The following SLC25A43 variants were observed in gnomAD, a reference collection of about 807,000 sequenced individuals.
SLC25A43 encodes the protein solute carrier family 25, member 43.
SLC25A43 carries 10 observed loss-of-function variants against 22.8 expected under a neutral mutation model. The observed-to-expected ratio is 0.44, with a 90% CI of 0.27 to 0.74. SLC25A43 has a LOEUF of 0.74. SLC25A43 is among the 30% of genes least tolerant of loss of function. The probability of loss-of-function intolerance (pLI) is 0.17; values close to 1 mark genes in which losing one functional copy is unlikely to be tolerated. For missense variants in SLC25A43, 233 were observed against 279.1 expected (o/e 0.83, Z 1.18); for synonymous variants, 106 against 121.6 (o/e 0.87, Z 0.84).
At chrX:119,434,368 T>A (rs1262277824) in intron 3 of SLC25A43, among the ~76,000 whole-genome samples, 3 of 108,535 alleles carry the variant, frequency 2.8e-5, no homozygotes, top group Non-Finnish European at 3.8e-5. Flanking sequence ...GATTACATGA[T>A]CCTGTGGCTC....
chrX:119,450,637 C>G (rs1453278322), intron 3 of SLC25A43, among the ~76,000 whole-genome samples: 1 of 111,745 alleles, frequency 8.9e-6, no homozygotes, highest in African/African-American at 3.3e-5. Flanking sequence ...ACTGTTGTAC[C>G]ACACCTCCTC....
intron 3 of SLC25A43, among the ~76,000 whole-genome samples, chrX:119,414,157 T>C (rs2052377770): frequency 8.9e-6 from 1 of 112,318 alleles, no homozygotes; most frequent in Admixed American, 9.5e-5. Context: ...TATCCCATCA[T>C]TTTAATTTTA....
chrX:119,426,548 C>T (rs1378778335), intron 3 of SLC25A43, among the ~76,000 whole-genome samples: 3 of 111,855 alleles, frequency 2.7e-5, no homozygotes, highest in African/African-American at 9.7e-5. Flanking sequence ...CAAGGCCGGG[C>T]GCGGCGACTC....
chrX:119,409,391 A>T (rs958243169), intron 2 of SLC25A43, among the ~76,000 whole-genome samples: 10 of 107,819 alleles, frequency 9.3e-5, no homozygotes, highest in African/African-American at 3.0e-4. Context: ...TTTAGTAGAG[A>T]TGGAGTTTAG....
At chrX:119,451,725 G>T in intron 3 of SLC25A43, 1 of 716,838 alleles carries the variant, frequency 1.4e-6, no homozygotes, top group South Asian at 3.0e-5. Context: ...GAAGGCACAG[G>T]TTGGGAGGGA....
chrX:119,429,104 T>G (rs2052533107), intron 3 of SLC25A43, among the ~76,000 whole-genome samples: 1 of 105,573 alleles, frequency 9.5e-6, no homozygotes, highest in African/African-American at 3.5e-5. Context: ...CAGGCTGAAG[T>G]GCAGTGGCGC....
chrX:119,405,080 A>G (rs1175359986), intron 1 of SLC25A43, among the ~76,000 whole-genome samples: 1 of 111,320 alleles, frequency 9.0e-6, no homozygotes, highest in Non-Finnish European at 1.9e-5. Flanking sequence ...CTGAGACCTA[A>G]AGTGCCCCAA....
chrX:119,450,175 T>G (rs2052695809), intron 3 of SLC25A43, among the ~76,000 whole-genome samples: 1 of 110,669 alleles, frequency 9.0e-6, no homozygotes, highest in Non-Finnish European at 1.9e-5. Flanking sequence ...AGGAGGTGTT[T>G]AAAGCAAAAG....
At chrX:119,416,515 G>A (rs768590133) in intron 3 of SLC25A43, among the ~76,000 whole-genome samples, 4 of 112,227 alleles carry the variant, frequency 3.6e-5, no homozygotes, top group South Asian at 3.6e-4. Flanking sequence ...CACCGTCCCC[G>A]GCCAAAAAAC....
chrX:119,449,737 GAAAGAAAAGA>G (rs375013928), intron 3 of SLC25A43, among the ~76,000 whole-genome samples: 1,599 of 110,730 alleles, frequency 0.014, 36 homozygotes, highest in African/African-American at 0.049. Flanking sequence ...CTCAAAAAAA[GAAAGAAAAGA>G]AAAGAAAAGA....
At chrX:119,401,855 T>C (rs2052241203) in intron 1 of SLC25A43, among the ~76,000 whole-genome samples, 1 of 110,327 alleles carries the variant, frequency 9.1e-6, no homozygotes, top group Admixed American at 9.7e-5. Context: ...CCTGTTGCAC[T>C]AGTCCACATA....
At chrX:119,403,777 GCT>G (rs2052259056) in intron 1 of SLC25A43, among the ~76,000 whole-genome samples, 2 of 111,107 alleles carry the variant, frequency 1.8e-5, no homozygotes, top group African/African-American at 6.5e-5. Flanking sequence ...TTTTTCCTCT[GCT>G]CTCACACCAC....
chrX:119,427,480 TC>T (rs2052517301), intron 3 of SLC25A43, among the ~76,000 whole-genome samples: 1 of 112,014 alleles, frequency 8.9e-6, no homozygotes, highest in Admixed American at 9.5e-5. Context: ...CGTACCAATG[TC>T]CCCGCTGCAG....
intron 3 of SLC25A43, among the ~76,000 whole-genome samples, chrX:119,435,174 T>C (rs753188467): frequency 9.1e-6 from 1 of 110,494 alleles, no homozygotes; most frequent in South Asian, 3.8e-4. Context: ...AAAAAATCGG[T>C]GGGCAGAGCA....
chrX:119,417,601 C>T (rs189956114), intron 3 of SLC25A43, among the ~76,000 whole-genome samples: 150 of 110,687 alleles, frequency 1.4e-3, no homozygotes, highest in African/African-American at 4.7e-3. Context: ...ACACCATCTG[C>T]ATTCTATACC....
At chrX:119,399,791 C>T (rs1046372298) in intron 1 of SLC25A43, 113 bp downstream of exon 1, 1 of 849,719 alleles carries the variant, frequency 1.2e-6, no homozygotes, top group East Asian at 4.3e-5. Flanking sequence ...TAGGGACGGC[C>T]CCCTTGTCGA....
chrX:119,406,213 G>T (rs2052295558), intron 1 of SLC25A43, among the ~76,000 whole-genome samples: 1 of 112,422 alleles, frequency 8.9e-6, no homozygotes, highest in Admixed American at 9.4e-5. Context: ...AGTAGAAAAT[G>T]CTTTAAGTGG....
At chrX:119,403,741 TTG>T (rs1182683053) in intron 1 of SLC25A43, among the ~76,000 whole-genome samples, 1 of 111,691 alleles carries the variant, frequency 9.0e-6, no homozygotes, top group Non-Finnish European at 1.9e-5. Context: ...TGCCACCTGT[TTG>T]AGAAAAACCT....
At chrX:119,451,343 G>A (rs777137389) in intron 3 of SLC25A43, among the ~76,000 whole-genome samples, 1 of 111,638 alleles carries the variant, frequency 9.0e-6, no homozygotes, top group Non-Finnish European at 1.9e-5. Context: ...GGGCTGGGTC[G>A]TCTTTATAGA....
Sources: allele counts gnomAD v4.1 joint callset (sites outside exome capture counted in the v4.1 genomes callset), GRCh38; gene constraint gnomAD v4.1.1; transcripts MANE v1.5; gene names NCBI Gene and HGNC (gene_info 2026-07-23, HGNC 2026-07-21).